The following ARHGEF10L variants were observed in gnomAD, a reference collection of about 807,000 sequenced individuals.
The protein encoded by ARHGEF10L is rho guanine nucleotide exchange factor 10-like protein.
ARHGEF10L carries 69 observed loss-of-function variants against 141.2 expected under a neutral mutation model. The observed-to-expected ratio is 0.49, with a 90% CI of 0.40 to 0.60. ARHGEF10L has a LOEUF of 0.60. ARHGEF10L is among the 20% of genes least tolerant of loss of function. The pLI, the probability that ARHGEF10L is intolerant of heterozygous loss-of-function variation, is 0.00. For missense variants in ARHGEF10L, 1,482 were observed against 1,734.3 expected (o/e 0.85, Z 2.58); for synonymous variants, 711 against 718.5 (o/e 0.99, Z 0.17).
chr1:17,567,395 C>T (rs1363952424), intron 1 of ARHGEF10L, among the ~76,000 whole-genome samples: 2 of 152,100 alleles, frequency 1.3e-5, no homozygotes, highest in Non-Finnish European at 2.9e-5. Flanking sequence ...GAGATGTAGT[C>T]TCACTCTGTC....
chr1:17,524,609 T>C, the ARHGEF10L span, among the ~76,000 whole-genome samples: 1 of 152,058 alleles, frequency 6.6e-6, no homozygotes, highest in Non-Finnish European at 1.5e-5. Flanking sequence ...TAAAATGACC[T>C]TGGGATGCAG....
intron 1 of ARHGEF10L, among the ~76,000 whole-genome samples, chr1:17,577,401 A>G (rs897047716): frequency 3.3e-5 from 5 of 152,174 alleles, no homozygotes; most frequent in Admixed American, 2.6e-4. Flanking sequence ...AGGCCCAGAG[A>G]TAGGATTAAC....
In ARHGEF10L at chr1:17,574,000, C is replaced by T. The variant is rs1469841261; in HGVS notation, c.-43-6553C>T. Among the ~76,000 whole-genome samples the T allele has an allele frequency of 3.3e-5, 5 of 152,296 alleles. No individual in the cohort carries two copies. Among genetic ancestry groups the T allele is most frequent in the African/African-American group, 4.8e-5 (2 of 41,566 alleles). ...AAGGAAGTTGGAGCCGCCCCCACCT[C>T]GGGAAGCCCTTTGAGTGTCCATCAG... On this transcript the variant is annotated intron_variant, in intron 1 of 28. Transcript: ENST00000361221. The surrounding 1 kb of genome is among the most constrained non-coding windows in gnomAD (Gnocchi z 4.8).
chr1:17,573,080 G>A lies in ARHGEF10L; in HGVS notation c.-43-7473G>A, dbSNP rs2100384325. ...CATTCTTCCGTCTGTACACCTGCTG[G>A]GTTGCAGGGACGCACATGGACCTCC... On this transcript the variant is annotated intron_variant, in intron 1 of 28. Transcript: ENST00000361221. The surrounding 1 kb of genome is among the most constrained non-coding windows in gnomAD (Gnocchi z 4.8). Among the ~76,000 whole-genome samples the A allele has an allele frequency of 6.6e-6, 1 of 152,292 alleles. No individual in the cohort carries two copies. Among genetic ancestry groups the A allele is most frequent in the Non-Finnish European group, 1.5e-5 (1 of 68,022 alleles).
At chr1:17,549,222 T>G (rs1396089182) in intron 1 of ARHGEF10L, among the ~76,000 whole-genome samples, 3 of 139,548 alleles carry the variant, frequency 2.1e-5, no homozygotes, top group Non-Finnish European at 4.7e-5. Flanking sequence ...GGGGTTTCAC[T>G]ATGTTGGCCA....
chr1:17,576,355 G>A (rs2078224369), intron 1 of ARHGEF10L, among the ~76,000 whole-genome samples: 1 of 152,108 alleles, frequency 6.6e-6, no homozygotes, highest in African/African-American at 2.4e-5. Flanking sequence ...GCAGAGGGAG[G>A]TGCCAATGCC....
At chr1:17,663,580 A>C (rs545289412) in intron 25 of ARHGEF10L, among the ~76,000 whole-genome samples, 107 of 151,846 alleles carry the variant, frequency 7.0e-4, no homozygotes, top group Admixed American at 9.8e-4. Context: ...ACAAAAAAAA[A>C]CCACCCTCCA....
At chr1:17,583,968 C>T (rs926923012) in intron 2 of ARHGEF10L, among the ~76,000 whole-genome samples, 2 of 152,232 alleles carry the variant, frequency 1.3e-5, no homozygotes, top group Non-Finnish European at 2.9e-5. Context: ...TCTCCTGCTA[C>T]AGCCTCCTGA....
At position 17,627,651 on chromosome 1, in the gene ARHGEF10L, AT is replaced by A. The variant is rs2060462110; in HGVS notation, c.1584+150del. Reference sequence around the variant, plus strand: ...CTCTTCCAAGGATGTGACCTTGGGGATTGGATCCTCAGCGGGACCCCCACGT... The same window carrying A: ...CTCTTCCAAGGATGTGACCTTGGGGATGGATCCTCAGCGGGACCCCCACGT... On this transcript the variant is annotated intron_variant, in intron 15 of 28. Transcript: ENST00000361221. The surrounding 1 kb of genome is among the most constrained non-coding windows in gnomAD (Gnocchi z 4.0). 9.2e-6 allele frequency: 9 copies of A among 975,014 alleles called. No individual in the cohort carries two copies. Among genetic ancestry groups the A allele is most frequent in the Non-Finnish European group, 1.2e-5 (8 of 675,670 alleles). The allele number at this position is 975,014 out of a possible 1,614,324, so 60.4% of individuals were successfully genotyped here.
At position 17,661,357 on chromosome 1, in the gene ARHGEF10L, C is replaced by T. The variant is rs780031648; in HGVS notation, c.2861-3090C>T. 5.9e-5 allele frequency among the ~76,000 whole-genome samples: 9 copies of T among 152,248 alleles called. 1 individual carries two copies. Among genetic ancestry groups the T allele is most frequent in the East Asian group, 1.9e-4 (1 of 5,200 alleles). ...CCTCCCAAAGTGTTGGGATTACAGG[C>T]GTGAGCCACCGTACCCGGCCTTTAT... On this transcript the variant is annotated intron_variant, in intron 25 of 28. Transcript: ENST00000361221.
chr1:17,526,164 G>A, the ARHGEF10L span, among the ~76,000 whole-genome samples: 1 of 152,234 alleles, frequency 6.6e-6, no homozygotes, highest in East Asian at 1.9e-4. Flanking sequence ...GCCCTCTCTG[G>A]GTTCCCTGCC....
In ARHGEF10L at chr1:17,639,986, C is replaced by T; in HGVS notation, c.2172-216C>T. 6.7e-7 allele frequency: 1 copy of T among 1,492,206 alleles called. No individual in the cohort carries two copies. 92.4% of individuals were successfully genotyped at this position (1,492,206 alleles called of 1,614,324 possible). ...TGGCTCAGCCACCCTGGCCAGGTAC[C>T]TCCCTCTGGGGGTCATTGTGGGCGG... On this transcript the variant is annotated intron_variant, in intron 20 of 28. Transcript: ENST00000361221. This position sits in a 1 kb window ranked among gnomAD's most constrained non-coding sequence, Gnocchi z 4.3.
Position 17,656,706 on chromosome 1 carries a change from G to C in ARHGEF10L, c.2858G>C (p.Ser953Thr). The C allele has an allele frequency of 6.2e-7, 1 of 1,611,992 alleles. No individual in the cohort carries two copies. The highest frequency in any genetic ancestry group is 2.2e-5 in the East Asian group (1 of 44,852). ...DGTLAAYPRT[S>T]GGVLWDLESP... Reference sequence around the variant, plus strand: ...ACCCTTGCTGCTTACCCTCGGACCAGCGGTGAGGACTGGGGGGAATGGGGG... The same window carrying C: ...ACCCTTGCTGCTTACCCTCGGACCACCGGTGAGGACTGGGGGGAATGGGGG... Residue 953 changes from serine (S) to threonine (T), a missense_variant and splice_region_variant, in exon 25 of 29, where the codon AGC becomes ACC. Physicochemically the swap from Ser to Thr is moderately conservative, Grantham distance 58. Around this residue, in one of 3 missense-constraint regions of ARHGEF10L, gnomAD observed 858 missense variants for 966.3 expected, o/e 0.89. Transcript: ENST00000361221. This position sits in a 1 kb window ranked among gnomAD's most constrained non-coding sequence, Gnocchi z 4.9.
intron 23 of ARHGEF10L, among the ~76,000 whole-genome samples, chr1:17,655,254 T>TCACC (rs2062155204): frequency 6.6e-6 from 1 of 151,850 alleles, no homozygotes; most frequent in African/African-American, 2.4e-5. Flanking sequence ...CATCCATCCA[T>TCACC]CATCCATCCA....
In ARHGEF10L at chr1:17,621,583, A is replaced by C. The variant is rs2060110950; in HGVS notation, c.943-281A>C. On this transcript the variant is annotated intron_variant, in intron 10 of 28. Coordinates refer to ENST00000361221, the MANE Select transcript of ARHGEF10L (RefSeq NM_018125.4). The surrounding 1 kb of genome is among the most constrained non-coding windows in gnomAD (Gnocchi z 4.1). ...AAGATGGAGGTGGTCACCCGCCACCATGGAGGAGCGTGGTGATTACCCCAT... is the reference window on the plus strand; with the variant it reads ...AAGATGGAGGTGGTCACCCGCCACCCTGGAGGAGCGTGGTGATTACCCCAT... Among the ~76,000 whole-genome samples, 1 of 152,200 alleles carries C rather than the reference A, an allele frequency of 6.6e-6. No homozygotes were observed. The highest frequency in any genetic ancestry group is 1.5e-5 in the Non-Finnish European group (1 of 68,032).
the ARHGEF10L span, among the ~76,000 whole-genome samples, chr1:17,528,586 A>T: frequency 2.6e-5 from 4 of 151,822 alleles, no homozygotes; most frequent in Non-Finnish European, 4.4e-5. Flanking sequence ...TCCTCCATCC[A>T]TCCATTTGTC....
At chr1:17,624,261 G>A (rs1303684327) in intron 12 of ARHGEF10L, 126 bp from the exon 13 acceptor site, 26 of 740,022 alleles carry the variant, frequency 3.5e-5, no homozygotes, top group South Asian at 3.1e-4. Context: ...CCAAGGGAGT[G>A]TGGGGTGAGT....
At chr1:17,513,647 A>G in the ARHGEF10L span, among the ~76,000 whole-genome samples, 1 of 152,188 alleles carries the variant, frequency 6.6e-6, no homozygotes, top group Non-Finnish European at 1.5e-5. Flanking sequence ...TTCACAATCA[A>G]AAATGTTTGC....
At chr1:17,567,606 G>C (rs7543034) in intron 1 of ARHGEF10L, among the ~76,000 whole-genome samples, 16,037 of 152,164 alleles carry the variant, frequency 0.11, 1,238 homozygotes, top group East Asian at 0.4. Flanking sequence ...GACCTCAAGT[G>C]ATCCACCTGT....
Sources: allele counts gnomAD v4.1 joint callset (sites outside exome capture counted in the v4.1 genomes callset), GRCh38; gene constraint gnomAD v4.1.1; regional missense constraint gnomAD v4.1.1; non-coding constraint Gnocchi (gnomAD v3.1); transcripts MANE v1.5; gene names NCBI Gene and HGNC (gene_info 2026-07-23, HGNC 2026-07-21).